Variants in DCPS observed in about 807,000 individuals in gnomAD.
The protein encoded by DCPS is decapping enzyme, scavenger.
In DCPS, 27 loss-of-function variants were observed where a neutral mutation model predicts 34.7. That is an observed-to-expected ratio of 0.78 (90% CI 0.57 to 1.07). The LOEUF (loss-of-function observed/expected upper bound fraction) is 1.07. Ranked by LOEUF, DCPS falls within the 50% of genes least tolerant of loss-of-function variation. The pLI is 0.00. For synonymous variants in DCPS, 185 were observed against 185.7 expected (o/e 1.00, Z 0.03); for missense variants, 464 against 436.9 (o/e 1.06, Z -0.55).
chr11:126,337,506 C>G lies in DCPS; in HGVS notation c.523-780C>G, dbSNP rs1951841045. ...GTAAAGTAATGTCCTTGGGTCAACA[C>G]AGGCCTGGGAAAGGTCCTCTGCAGA... On this transcript the variant is annotated intron_variant, in intron 3 of 5. Transcript: ENST00000263579. This position sits in a 1 kb window ranked among gnomAD's most constrained non-coding sequence, Gnocchi z 5.3. 2 of 152,302 alleles carry G rather than the reference C, an allele frequency of 1.3e-5. No homozygotes were observed. Among genetic ancestry groups the G allele is most frequent in the East Asian group, 1.9e-4 (1 of 5,194 alleles). The allele number at this position is 152,302 out of a possible 1,614,324, so 9.4% of individuals were successfully genotyped here.
Position 126,306,607 on chromosome 11 carries a change from C to G in DCPS, c.239C>G (p.Ala80Gly). ...EASGDGDGED[A>G]VVILEKTPFQ... Reference sequence around the variant, plus strand: ...TCTGGGGATGGGGATGGAGAGGATGCCGTTGTGATCCTGGAGAAGACGCCA... The same window carrying G: ...TCTGGGGATGGGGATGGAGAGGATGGCGTTGTGATCCTGGAGAAGACGCCA... The change falls in exon 2 of 6, where the codon GCC becomes GGC. Residue 80 changes from alanine (A) to glycine (G), a missense_variant. Coordinates refer to ENST00000263579, the MANE Select transcript of DCPS (RefSeq NM_014026.6). The G allele has an allele frequency of 1.2e-6, 2 of 1,612,330 alleles. No individual in the cohort carries two copies. Among genetic ancestry groups the G allele is most frequent in the Non-Finnish European group, 1.7e-6 (2 of 1,178,876 alleles).
At position 126,343,362 on chromosome 11, in the gene DCPS, G is replaced by T. The variant is rs771666044; in HGVS notation, c.692G>T (p.Arg231Leu). The T allele has an allele frequency of 6.2e-7, 1 of 1,613,854 alleles. No individual in the cohort carries two copies. Among genetic ancestry groups the T allele is most frequent in the African/African-American group, 1.3e-5 (1 of 74,886 alleles). The stretch of plus-strand genomic sequence containing the variant: ...CATCGCCGGGGCATCAGATCCCTAC[G>T]CGACCTTACTCCGGAGCACTTGCCG... ...ICHRRGIRSL[R>L]DLTPEHLPLL... is the part of the protein sequence containing the mutation. The change falls in exon 5 of 6, where the codon CGC becomes CTC. Residue 231 changes from arginine (R) to leucine (L), a missense_variant. Coordinates refer to ENST00000263579, the MANE Select transcript of DCPS (RefSeq NM_014026.6).
chr11:126,309,909 C>T (rs927535173), intron 2 of DCPS, among the ~76,000 whole-genome samples: 1 of 152,060 alleles, frequency 6.6e-6, no homozygotes, highest in African/African-American at 2.4e-5. Context: ...GCCTTTTCTG[C>T]CTTCTCCTTC....
At position 126,334,277 on chromosome 11, in the gene DCPS, T is replaced by G. The variant is rs1295715069; in HGVS notation, c.522+2727T>G. On this transcript the variant is annotated intron_variant, in intron 3 of 5. Transcript: ENST00000263579. The surrounding 1 kb of genome is among the most constrained non-coding windows in gnomAD (Gnocchi z 5.5). Reference sequence around the variant, plus strand: ...TTCAGTTTGGAATTCATTGAGCACTTACTATGTATAGTCCAAGAACTGCTC... The same window carrying G: ...TTCAGTTTGGAATTCATTGAGCACTGACTATGTATAGTCCAAGAACTGCTC... Among the ~76,000 whole-genome samples, 1 of 152,226 alleles carries G rather than the reference T, an allele frequency of 6.6e-6. No homozygotes were observed. The highest frequency in any genetic ancestry group is 2.4e-5 in the African/African-American group (1 of 41,460).
chr11:126,341,026 T>C (rs1591392367), intron 4 of DCPS: 1 of 152,278 alleles, frequency 6.6e-6, no homozygotes, highest in African/African-American at 2.4e-5. Context: ...ACAACTATTG[T>C]TGCTATTTCT....
At chr11:126,321,464 C>T (rs1951706146) in intron 2 of DCPS, among the ~76,000 whole-genome samples, 1 of 152,094 alleles carries the variant, frequency 6.6e-6, no homozygotes, top group African/African-American at 2.4e-5. Flanking sequence ...AGGCTTATAG[C>T]TCCATATGTG....
At chr11:126,330,719 A>ATTTTTTTT in intron 2 of DCPS, among the ~76,000 whole-genome samples, 2 of 18,884 alleles carry the variant, frequency 1.1e-4, no homozygotes, top group Non-Finnish European at 1.8e-4. Flanking sequence ...ATATATATAT[A>ATTTTTTTT]TTTTTTTTTT....
At position 126,335,455 on chromosome 11, in the gene DCPS, T is replaced by C. The variant is rs953721737; in HGVS notation, c.523-2831T>C. 4.6e-5 allele frequency among the ~76,000 whole-genome samples: 7 copies of C among 152,194 alleles called. No individual in the cohort carries two copies. Among genetic ancestry groups the C allele is most frequent in the Non-Finnish European group, 5.9e-5 (4 of 68,024 alleles). On this transcript the variant is annotated intron_variant, in intron 3 of 5. Transcript: ENST00000263579. This position sits in a 1 kb window ranked among gnomAD's most constrained non-coding sequence, Gnocchi z 4.8. ...GTTCTTTCATTCTCCTTTTTTTTTA[T>C]CTGGGCCCCTGGCCTGGAGGCTTCC...
intron 1 of DCPS, 141 bp from the exon 2 acceptor site, chr11:126,306,429 C>A: frequency 2.2e-6 from 2 of 894,972 alleles, no homozygotes; most frequent in Non-Finnish European, 3.2e-6. Context: ...GTGCCATTGG[C>A]TAGACTTCCC....
intron 2 of DCPS, among the ~76,000 whole-genome samples, chr11:126,309,610 T>C (rs778499066): frequency 5.3e-5 from 8 of 152,194 alleles, no homozygotes; most frequent in East Asian, 1.9e-4. Context: ...TCCACAGATA[T>C]GGAACCCACA....
In DCPS at chr11:126,329,745, C is replaced by T. The variant is rs141490273; in HGVS notation, c.377-1660C>T. On this transcript the variant is annotated intron_variant, in intron 2 of 5. Coordinates refer to ENST00000263579, the MANE Select transcript of DCPS (RefSeq NM_014026.6). This position sits in a 1 kb window ranked among gnomAD's most constrained non-coding sequence, Gnocchi z 5.0. Reference sequence around the variant, plus strand: ...AGTCCCAGCCCACCCTCTTCACTGACGTATGAAAGCGGGGTTAAAACCACC... The same window carrying T: ...AGTCCCAGCCCACCCTCTTCACTGATGTATGAAAGCGGGGTTAAAACCACC... Among the ~76,000 whole-genome samples, 15 of 152,302 alleles carry T rather than the reference C, an allele frequency of 9.8e-5. No individual in the cohort carries two copies. Among genetic ancestry groups the T allele is most frequent in the Admixed American group, 5.2e-4 (8 of 15,304 alleles).
chr11:126,304,384 C>A, intron 1 of DCPS, 103 bp downstream of exon 1: 1 of 1,332,706 alleles, frequency 7.5e-7, no homozygotes, highest in South Asian at 1.3e-5. Flanking sequence ...AAATACCAAT[C>A]ATTATCACTC....
intron 4 of DCPS, among the ~76,000 whole-genome samples, chr11:126,339,356 T>C (rs1951859570): frequency 6.6e-6 from 1 of 152,198 alleles, no homozygotes; most frequent in Admixed American, 6.5e-5. Context: ...GAGACTCTTG[T>C]AGAGAAGGTG....
intron 2 of DCPS, among the ~76,000 whole-genome samples, chr11:126,326,756 T>C (rs983466850): frequency 6.6e-6 from 1 of 152,038 alleles, no homozygotes; most frequent in Non-Finnish European, 1.5e-5. Context: ...ACCCTGTCTC[T>C]ACTAAAAATA....
In DCPS at chr11:126,338,165, G is replaced by T; in HGVS notation, c.523-121G>T. 1.2e-6 allele frequency: 1 copy of T among 830,304 alleles called. No homozygotes were observed. Among genetic ancestry groups the T allele is most frequent in the Non-Finnish European group, 2.0e-6 (1 of 503,090 alleles). The allele number at this position is 830,304 out of a possible 1,614,324, so 51.4% of individuals were successfully genotyped here. On this transcript the variant is annotated intron_variant, in intron 3 of 5. Coordinates refer to ENST00000263579, the MANE Select transcript of DCPS (RefSeq NM_014026.6). The surrounding 1 kb of genome is among the most constrained non-coding windows in gnomAD (Gnocchi z 5.4). ...CGGATGTAGATCCTCTGAGCGTGGC[G>T]GCCTTTTATGGCTTGGTTCTGTCTC...
intron 4 of DCPS, 142 bp from the exon 5 acceptor site, chr11:126,343,164 GT>G (rs1327503382): frequency 6.1e-6 from 4 of 658,736 alleles, no homozygotes; most frequent in Non-Finnish European, 8.2e-6. Context: ...CACGCCCGGG[GT>G]ATGCAGATGC....
chr11:126,345,291 G>C lies in DCPS; in HGVS notation c.748-56G>C. 3.1e-6 allele frequency: 5 copies of C among 1,597,906 alleles called. No individual in the cohort carries two copies. Among genetic ancestry groups the C allele is most frequent in the Non-Finnish European group, 4.3e-6 (5 of 1,172,506 alleles). ...GGAGGAGGGTCTAGGTGGGGACATG[G>C]CGCCGGGCCTCAGGCAGCACGGTGA... On this transcript the variant is annotated intron_variant, in intron 5 of 5. Coordinates refer to ENST00000263579, the MANE Select transcript of DCPS (RefSeq NM_014026.6). The surrounding 1 kb of genome is among the most constrained non-coding windows in gnomAD (Gnocchi z 7.4).
intron 2 of DCPS, among the ~76,000 whole-genome samples, chr11:126,307,166 C>T (rs1951576832): frequency 1.3e-5 from 2 of 151,756 alleles, no homozygotes. Flanking sequence ...AACCTCATCT[C>T]TACTAAAAAT....
chr11:126,313,088 G>A lies in DCPS; in HGVS notation c.376+6344G>A, dbSNP rs758605819. 2.0e-5 allele frequency among the ~76,000 whole-genome samples: 3 copies of A among 152,186 alleles called. No homozygotes were observed. The highest frequency in any genetic ancestry group is 6.5e-5 in the Admixed American group (1 of 15,274). On this transcript the variant is annotated intron_variant, in intron 2 of 5. Transcript: ENST00000263579. The surrounding 1 kb of genome is among the most constrained non-coding windows in gnomAD (Gnocchi z 4.9). ...TGGGGAAGAAGGGGGAGATAGCAGG[G>A]AGAGAGGTGTGGCTCAGAAATCCAG...
Sources: gnomAD v4.1 joint callset for allele counts (sites outside exome capture counted in the v4.1 genomes callset) on GRCh38, gnomAD v4.1.1 for gene constraint, Gnocchi (gnomAD v3.1) non-coding constraint, MANE v1.5 for transcripts, NCBI Gene and HGNC (gene_info 2026-07-23, HGNC 2026-07-21) for gene names.